Variants in HTR1F observed in about 807,000 individuals in gnomAD.
HTR1F encodes the protein 5-hydroxytryptamine receptor 1F, also known as 5-hydroxytryptamine (serotonin) receptor 1F, G protein-coupled.
Under a neutral mutation model 24.0 loss-of-function variants are expected in HTR1F, and 17 were observed. The observed-to-expected ratio is 0.71, with a 90% CI of 0.48 to 1.06. The LOEUF is 1.06. Among genes scored for constraint, HTR1F ranks in the 50% least tolerant of loss-of-function variants. The probability of loss-of-function intolerance (pLI) is 0.00; values close to 1 mark genes in which losing one functional copy is unlikely to be tolerated. For missense variants in HTR1F, 391 were observed against 427.8 expected (o/e 0.91, Z 0.76); for synonymous variants, 186 against 156.8 (o/e 1.19, Z -1.39).
intron 2 of HTR1F, among the ~76,000 whole-genome samples, chr3:87,826,616 G>C (rs1468873697): frequency 6.6e-6 from 1 of 152,050 alleles, no homozygotes; most frequent in Non-Finnish European, 1.5e-5. Flanking sequence ...TCAGAAAGTA[G>C]GTGTTTTCCA....
intron 2 of HTR1F, among the ~76,000 whole-genome samples, chr3:87,941,151 G>T (rs529091644): frequency 5.9e-5 from 9 of 152,178 alleles, no homozygotes; most frequent in Non-Finnish European, 1.0e-4. Flanking sequence ...CTTCTTTAGG[G>T]CCTGGAAAGC....
intron 2 of HTR1F, among the ~76,000 whole-genome samples, chr3:87,906,358 T>C (rs975757569): frequency 6.6e-6 from 1 of 152,212 alleles, no homozygotes; most frequent in South Asian, 2.1e-4. Flanking sequence ...CAAGTCATTA[T>C]ATGACTATTT....
intron 2 of HTR1F, among the ~76,000 whole-genome samples, chr3:87,902,968 C>T (rs1181211644): frequency 6.6e-6 from 1 of 151,442 alleles, no homozygotes; most frequent in Non-Finnish European, 1.5e-5. Flanking sequence ...AGAAATAATG[C>T]CGCATATCTA....
intron 2 of HTR1F, among the ~76,000 whole-genome samples, chr3:87,844,387 CT>C (rs1425195754): frequency 2.3e-5 from 3 of 131,658 alleles, no homozygotes; most frequent in Non-Finnish European, 4.6e-5. Flanking sequence ...TTGTTTTTTT[CT>C]TGTAAATTTG....
intron 2 of HTR1F, among the ~76,000 whole-genome samples, chr3:87,954,778 A>T (rs1460442753): frequency 6.6e-6 from 1 of 151,656 alleles, no homozygotes; most frequent in African/African-American, 2.4e-5. Context: ...TAATAAACTA[A>T]GTTATCATCT....
intron 1 of HTR1F, among the ~76,000 whole-genome samples, chr3:87,801,813 A>G (rs1356681933): frequency 6.6e-6 from 1 of 152,174 alleles, no homozygotes; most frequent in African/African-American, 2.4e-5. Flanking sequence ...TTGGAGATAG[A>G]TAGTTTATAG....
At chr3:87,989,553 T>C (rs1285426233) in intron 2 of HTR1F, among the ~76,000 whole-genome samples, 2 of 152,044 alleles carry the variant, frequency 1.3e-5, no homozygotes, top group East Asian at 1.9e-4. Context: ...GATATACTAA[T>C]TTTTTTTGCT....
chr3:87,953,750 C>T (rs531461383), intron 2 of HTR1F, among the ~76,000 whole-genome samples: 2 of 151,756 alleles, frequency 1.3e-5, no homozygotes, highest in African/African-American at 4.8e-5. Context: ...ATTAATGCAA[C>T]GCTATTCACA....
chr3:87,908,088 A>G (rs2107341961), intron 2 of HTR1F, among the ~76,000 whole-genome samples: 1 of 152,142 alleles, frequency 6.6e-6, no homozygotes, highest in Non-Finnish European at 1.5e-5. Context: ...GTGTTATACC[A>G]ACACATATAG....
At chr3:87,975,399 A>T (rs1350967277) in intron 2 of HTR1F, among the ~76,000 whole-genome samples, 1 of 152,184 alleles carries the variant, frequency 6.6e-6, no homozygotes, top group Non-Finnish European at 1.5e-5. Flanking sequence ...CAGTATTCTC[A>T]AATGGTAAAA....
chr3:87,913,133 T>C (rs1703817883), intron 2 of HTR1F, among the ~76,000 whole-genome samples: 1 of 151,934 alleles, frequency 6.6e-6, no homozygotes, highest in African/African-American at 2.4e-5. Flanking sequence ...AAAGAAACTA[T>C]CAACAGAGTG....
chr3:87,820,317 C>G (rs1704332951), intron 1 of HTR1F, among the ~76,000 whole-genome samples: 1 of 150,636 alleles, frequency 6.6e-6, no homozygotes, highest in South Asian at 2.1e-4. Flanking sequence ...GCTGGGACTA[C>G]AGGCGCCCGC....
At chr3:87,895,819 T>C (rs1418218971) in intron 2 of HTR1F, among the ~76,000 whole-genome samples, 1 of 152,174 alleles carries the variant, frequency 6.6e-6, no homozygotes, top group Non-Finnish European at 1.5e-5. Flanking sequence ...TTTGACATCT[T>C]TCTAATCGTT....
chr3:87,907,155 A>T (rs1227802637), intron 2 of HTR1F, among the ~76,000 whole-genome samples: 1 of 151,188 alleles, frequency 6.6e-6, no homozygotes, highest in Non-Finnish European at 1.5e-5. Flanking sequence ...TCCCACCAAC[A>T]TGTAAAAGTG....
intron 2 of HTR1F, among the ~76,000 whole-genome samples, chr3:87,969,337 G>A (rs551031738): frequency 7.2e-5 from 11 of 152,166 alleles, no homozygotes; most frequent in South Asian, 4.1e-4. Context: ...GAAAGCAGCC[G>A]GGAGGGAGGC....
chr3:87,956,037 A>G (rs537665835), intron 2 of HTR1F, among the ~76,000 whole-genome samples: 9 of 151,524 alleles, frequency 5.9e-5, no homozygotes, highest in African/African-American at 2.2e-4. Context: ...TTTAGAAATC[A>G]GAAGCTTTAT....
chr3:87,949,143 A>G (rs1704778725), intron 2 of HTR1F, among the ~76,000 whole-genome samples: 1 of 152,228 alleles, frequency 6.6e-6, no homozygotes, highest in Admixed American at 6.5e-5. Context: ...AAGCCAAAAG[A>G]GTTTGTATAT....
chr3:87,885,618 G>A (rs982743205), intron 2 of HTR1F, among the ~76,000 whole-genome samples: 4 of 150,082 alleles, frequency 2.7e-5, no homozygotes, highest in Non-Finnish European at 5.9e-5. Flanking sequence ...AGAAAAGAGA[G>A]AAGAATCAAA....
In HTR1F at chr3:87,894,006, A is replaced by C. The variant is rs190124427; in HGVS notation, c.-43+71882A>C. Among the ~76,000 whole-genome samples, 175 of 138,070 alleles carry C rather than the reference A, an allele frequency of 1.3e-3. 1 individual carries two copies. Among genetic ancestry groups the C allele is most frequent in the Non-Finnish European group, 1.9e-3 (123 of 65,432 alleles). The allele number at this position is 138,070 out of a possible 152,430, so 90.6% of individuals were successfully genotyped here. ...CTTTCTGCTTTGGACAGCTTTTTTT[A>C]TTTTTCTTTTTTTTTTATTTCCATA... is the stretch of plus-strand genomic sequence containing the variant. On this transcript the variant is annotated intron_variant, in intron 2 of 2. Transcript: ENST00000319595.
Sources: allele counts gnomAD v4.1 joint callset (sites outside exome capture counted in the v4.1 genomes callset), GRCh38; gene constraint gnomAD v4.1.1; transcripts MANE v1.5; gene names NCBI Gene and HGNC (gene_info 2026-07-23, HGNC 2026-07-21).